FAXC: variants seen among roughly 807,000 people sequenced by gnomAD.
FAXC encodes the protein failed axon connections homolog, metaxin like GST domain containing.
In FAXC, 10 loss-of-function variants were observed where a neutral mutation model predicts 41.9. That is an observed-to-expected ratio of 0.24 (90% confidence interval 0.15 to 0.41). The LOEUF (loss-of-function observed/expected upper bound fraction) is 0.41. Among genes scored for constraint, FAXC ranks in the 10% least tolerant of loss-of-function variants. The pLI is 1.00. For synonymous variants in FAXC, 183 were observed against 183.8 expected (o/e 1.00, Z 0.03); for missense variants, 399 against 510.9 (o/e 0.78, Z 2.11).
At chr6:99,326,665 G>C (rs1457768220) in intron 3 of FAXC, among the ~76,000 whole-genome samples, 2 of 152,164 alleles carry the variant, frequency 1.3e-5, no homozygotes, top group Non-Finnish European at 2.9e-5. Flanking sequence ...AGTCTCTAGA[G>C]TGTTGAGGAA....
chr6:99,288,182 G>C (rs1771093148), intron 5 of FAXC, among the ~76,000 whole-genome samples: 1 of 152,224 alleles, frequency 6.6e-6, no homozygotes, highest in Non-Finnish European at 1.5e-5. Flanking sequence ...ATTCTGTAGA[G>C]TCTGTGAGTT....
chr6:99,293,665 A>AGTGTGTGTGTGTGTGTGTGTGTGTGT (rs55827992), intron 4 of FAXC, among the ~76,000 whole-genome samples: 1 of 123,170 alleles, frequency 8.1e-6, no homozygotes, highest in Non-Finnish European at 1.7e-5. Flanking sequence ...CTCTATACAC[A>AGTGTGTGTGTGTGTGTGTGTGTGTGT]GTGTGTGTGT....
intron 4 of FAXC, among the ~76,000 whole-genome samples, chr6:99,302,750 G>C (rs940667076): frequency 3.9e-5 from 6 of 152,262 alleles, no homozygotes; most frequent in Non-Finnish European, 7.3e-5. Context: ...GCAGGAGGTA[G>C]GGGTCACTGT....
chr6:99,306,689 A>G (rs1771933834), intron 4 of FAXC, among the ~76,000 whole-genome samples: 1 of 152,236 alleles, frequency 6.6e-6, no homozygotes, highest in Admixed American at 6.5e-5. Flanking sequence ...AAAAGTGTTC[A>G]GCAATGACTT....
At chr6:99,325,930 T>C (rs1772784943) in intron 3 of FAXC, among the ~76,000 whole-genome samples, 1 of 152,222 alleles carries the variant, frequency 6.6e-6, no homozygotes, top group South Asian at 2.1e-4. Context: ...GATTTGATCA[T>C]AAGCATAACT....
rs948020333 is a variant in FAXC, at chr6:99,323,785, G to A, written c.600-118C>T. 6.8e-6 allele frequency: 5 copies of A among 739,794 alleles called. No homozygotes were observed. In the African/African-American group the frequency reaches 8.8e-5, roughly 13 times the overall value. The allele number at this position is 739,794 out of a possible 1,614,324, so 45.8% of individuals were successfully genotyped here. On this transcript the variant is annotated intron_variant, in intron 3 of 5. Transcript: ENST00000389677. Reference sequence around the variant, plus strand: ...ACTCTGGAGGAACTGAATAACTGCAGCTTTAATAAAGAGCAATCTGCATGG... The same window carrying A: ...ACTCTGGAGGAACTGAATAACTGCAACTTTAATAAAGAGCAATCTGCATGG...
At chr6:99,308,798 T>C (rs1772038081) in intron 4 of FAXC, among the ~76,000 whole-genome samples, 1 of 152,158 alleles carries the variant, frequency 6.6e-6, no homozygotes, top group Non-Finnish European at 1.5e-5. Flanking sequence ...AAAATATGTA[T>C]GTGGAAAGTA....
chr6:99,288,567 C>A (rs221545), intron 5 of FAXC, among the ~76,000 whole-genome samples: 1 of 152,136 alleles, frequency 6.6e-6, no homozygotes, highest in Non-Finnish European at 1.5e-5. Flanking sequence ...TTAAATGCCA[C>A]GAACCTCACC....
rs1770832202 is a variant in FAXC at position 99,281,398 on chromosome 6, T to C, written c.996A>G (p.Pro332=). The C allele has an allele frequency of 6.2e-7, 1 of 1,614,076 alleles. No individual in the cohort carries two copies. Among genetic ancestry groups the C allele is most frequent in the Non-Finnish European group, 8.5e-7 (1 of 1,180,014 alleles). ...TATTGTCATCATCGTGGTGCCACTC[T>C]GGCCAAAATTTCCTCCTTATCCTCT... ...YCERIRRKFW[P]EWHHDDDNTI... The change falls in exon 6 of 6, where the codon CCA becomes CCG. Residue 332 remains proline (P), a synonymous_variant. Transcript: ENST00000389677.
Position 99,281,299 on chromosome 6 carries a change from T to C in FAXC, c.1095A>G (p.Ser365=). The C allele has an allele frequency of 1.9e-6, 3 of 1,614,196 alleles. No homozygotes were observed. Among genetic ancestry groups the C allele is most frequent in the Non-Finnish European group, 2.5e-6 (3 of 1,180,022 alleles). ...CCTCATCTTCAAAGGTCTCTGTCCT[T>C]GAGTAAAAGCTAAAATCCAGCAGCG... ...HTPLLDFSFY[S]RTETFEDEGA... Residue 365 remains serine, a synonymous_variant, in exon 6 of 6, where the codon TCA becomes TCG. Coordinates refer to ENST00000389677, the MANE Select transcript of FAXC (RefSeq NM_032511.4).
chr6:99,287,989 G>A (rs1169370804), intron 5 of FAXC, among the ~76,000 whole-genome samples: 1 of 152,130 alleles, frequency 6.6e-6, no homozygotes, highest in African/African-American at 2.4e-5. Flanking sequence ...ATACAACAAT[G>A]TGCCAAAAGC....
chr6:99,349,816 G>A (rs1413059813), upstream of FAXC, among the ~76,000 whole-genome samples: 1 of 152,006 alleles, frequency 6.6e-6, no homozygotes, highest in Non-Finnish European at 1.5e-5. Context: ...CGCCGGGCAG[G>A]CTCCGCGCCT....
rs749242543 is a variant in FAXC at position 99,281,207 on chromosome 6, T to C, written c.1187A>G (p.Asp396Gly). 6.3e-7 allele frequency: 1 copy of C among 1,583,230 alleles called. No homozygotes were observed. ...DFTGHSLFDS[D>G]VDMDDYTDHE... ...GTCTGTATAGTCATCCATGTCCACA[T>C]CCGAATCAAAGAGTGAGTGTCCAGT... Residue 396 changes from aspartate to glycine, a missense_variant, in exon 6 of 6, where the codon GAT (aspartate) becomes GGT (glycine). Around this residue, in one of 3 missense-constraint regions of FAXC, gnomAD observed 92 missense variants for 94.9 expected, o/e 0.97. Transcript: ENST00000389677.
At chr6:99,295,000 T>A (rs953087787) in intron 4 of FAXC, among the ~76,000 whole-genome samples, 1 of 152,148 alleles carries the variant, frequency 6.6e-6, no homozygotes, top group African/African-American at 2.4e-5. Context: ...GTCTCCACAA[T>A]GTGCCACATG....
At chr6:99,288,426 C>G (rs920684118) in intron 5 of FAXC, among the ~76,000 whole-genome samples, 2 of 151,606 alleles carry the variant, frequency 1.3e-5, no homozygotes, top group African/African-American at 4.9e-5. Context: ...GGTAGGAGAA[C>G]GGAGGGAATA....
chr6:99,280,961 C>T lies in FAXC; in HGVS notation c.*203G>A, dbSNP rs1444373992. 7 of 519,282 alleles carry T rather than the reference C, an allele frequency of 1.3e-5. No homozygotes were observed. The highest frequency in any genetic ancestry group is 2.8e-5 in the South Asian group (1 of 35,584). 32.2% of individuals were successfully genotyped at this position (519,282 alleles called of 1,614,324 possible). ...GAACCATGCTGACATTATTTTTTGCCTGTTTGTTTTCAATGGAGTCATCTG... is the reference window on the plus strand; with the variant it reads ...GAACCATGCTGACATTATTTTTTGCTTGTTTGTTTTCAATGGAGTCATCTG... On this transcript the variant is annotated 3_prime_UTR_variant, in exon 6 of 6. Coordinates refer to ENST00000389677, the MANE Select transcript of FAXC (RefSeq NM_032511.4).
rs1770582196 is a variant in FAXC at position 99,275,779 on chromosome 6, G to A, written c.*5385C>T. The A allele has an allele frequency of 6.6e-6, 1 of 152,180 alleles. No homozygotes were observed. Among genetic ancestry groups the A allele is most frequent in the African/African-American group, 2.4e-5 (1 of 41,438 alleles). 9.4% of individuals were successfully genotyped at this position (152,180 alleles called of 1,614,324 possible). A position where few individuals can be genotyped will look rare whatever the true frequency, so the allele number is the denominator to read the frequency against. ...TGAAAGTCAGGGACCAAAAATCTGA[G>A]TTTCTGGGTAAGGAATTCAGATGAG... On this transcript the variant is annotated 3_prime_UTR_variant, in exon 6 of 6. Transcript: ENST00000389677.
At chr6:99,289,543 C>T (rs561455985) in intron 5 of FAXC, among the ~76,000 whole-genome samples, 2 of 152,118 alleles carry the variant, frequency 1.3e-5, no homozygotes, top group Non-Finnish European at 2.9e-5. Context: ...GAAGTCCCAG[C>T]TACTCAGTAG....
intron 2 of FAXC, among the ~76,000 whole-genome samples, chr6:99,335,961 T>A (rs528496568): frequency 5.9e-5 from 9 of 151,352 alleles, no homozygotes; most frequent in African/African-American, 1.7e-4. Context: ...AAAAACATTT[T>A]AAAAAAAAAG....
Sources: gnomAD v4.1 joint callset for allele counts (sites outside exome capture counted in the v4.1 genomes callset) on GRCh38, gnomAD v4.1.1 for gene constraint, gnomAD v4.1.1 regional missense constraint, MANE v1.5 for transcripts, NCBI Gene and HGNC (gene_info 2026-07-23, HGNC 2026-07-21) for gene names.